MAPK4: variants seen among roughly 807,000 people sequenced by gnomAD.
MAPK4 encodes the protein mitogen-activated protein kinase 4, also known as Erk3-related.
MAPK4 carries 22 observed loss-of-function variants against 47.7 expected under a neutral mutation model. That is an observed-to-expected ratio of 0.46 (90% confidence interval 0.33 to 0.66). The LOEUF is 0.66. Among genes scored for constraint, MAPK4 ranks in the 30% least tolerant of loss-of-function variants. The pLI, the probability that MAPK4 is intolerant of heterozygous loss-of-function variation, is 0.02. For synonymous variants in MAPK4, 390 were observed against 365.7 expected, an observed-to-expected ratio of 1.07 and a Z score of -0.76; for missense variants, 736 against 831.7, an observed-to-expected ratio of 0.88 and a Z score of 1.42.
intron 1 of MAPK4, among the ~76,000 whole-genome samples, chr18:50,589,681 A>G (rs117363277): frequency 0.022 from 3,341 of 152,324 alleles, 59 homozygotes; most frequent in Non-Finnish European, 0.034. Flanking sequence ...TTAAATCTAA[A>G]TAATCTGGTC....
chr18:50,638,164 C>T (rs186649960), intron 1 of MAPK4, among the ~76,000 whole-genome samples: 1 of 152,036 alleles, frequency 6.6e-6, no homozygotes, highest in Non-Finnish European at 1.5e-5. Context: ...TGGCAACATG[C>T]GAGTGAGCAT....
intron 1 of MAPK4, among the ~76,000 whole-genome samples, chr18:50,617,585 G>A (rs1345432141): frequency 2.0e-5 from 3 of 152,160 alleles, no homozygotes; most frequent in East Asian, 1.9e-4. Flanking sequence ...CTGCAGAGCC[G>A]ATGAGGTGGT....
intron 1 of MAPK4, among the ~76,000 whole-genome samples, chr18:50,631,795 G>A (rs4939640): frequency 0.31 from 46,780 of 152,092 alleles, 7,661 homozygotes; most frequent in East Asian, 0.48. Context: ...GAAGCCAAAC[G>A]TGGAAAAGTT....
At chr18:50,640,940 G>A (rs2144181054) in intron 1 of MAPK4, among the ~76,000 whole-genome samples, 1 of 152,324 alleles carries the variant, frequency 6.6e-6, no homozygotes, top group Middle Eastern at 3.4e-3. Context: ...AAAGGCTGAT[G>A]TCCTATAGCA....
At chr18:50,688,534 A>G (rs142697398) in intron 2 of MAPK4, among the ~76,000 whole-genome samples, 1 of 152,380 alleles carries the variant, frequency 6.6e-6, no homozygotes, top group East Asian at 1.9e-4. Flanking sequence ...CAGAATTTCA[A>G]GATGACAGAG....
intron 1 of MAPK4, among the ~76,000 whole-genome samples, chr18:50,610,950 A>G (rs750970660): frequency 5.9e-5 from 9 of 152,134 alleles, no homozygotes; most frequent in African/African-American, 1.2e-4. Context: ...TGAACTATAT[A>G]ACTACCAGAT....
At chr18:50,627,896 A>G (rs945136870) in intron 1 of MAPK4, among the ~76,000 whole-genome samples, 1 of 152,164 alleles carries the variant, frequency 6.6e-6, no homozygotes, top group African/African-American at 2.4e-5. Flanking sequence ...CTGATGTCTT[A>G]GATTCTCATG....
chr18:50,647,418 C>T (rs950305180), intron 1 of MAPK4, among the ~76,000 whole-genome samples: 2 of 152,138 alleles, frequency 1.3e-5, no homozygotes, highest in African/African-American at 4.8e-5. Flanking sequence ...GATTCAGCAT[C>T]TTGAGTTTGT....
At chr18:50,672,168 G>C (rs1036054163) in intron 2 of MAPK4, among the ~76,000 whole-genome samples, 1 of 152,158 alleles carries the variant, frequency 6.6e-6, no homozygotes, top group Non-Finnish European at 1.5e-5. Context: ...GAGTGGAGAA[G>C]GATTTTCCCA....
intron 1 of MAPK4, among the ~76,000 whole-genome samples, chr18:50,580,967 C>A (rs1451419718): frequency 1.3e-5 from 2 of 152,194 alleles, no homozygotes; most frequent in Admixed American, 6.5e-5. Context: ...TCCATCAATA[C>A]TGCTCCTGGG....
intron 1 of MAPK4, among the ~76,000 whole-genome samples, chr18:50,601,205 G>A (rs1044061610): frequency 4.0e-5 from 6 of 151,564 alleles, no homozygotes; most frequent in Admixed American, 6.6e-5. Flanking sequence ...ATGGTGGCGC[G>A]TGCCTGTGGT....
intron 2 of MAPK4, among the ~76,000 whole-genome samples, chr18:50,677,316 A>G (rs552688749): frequency 3.3e-5 from 5 of 152,364 alleles, no homozygotes; most frequent in Admixed American, 6.5e-5. Flanking sequence ...CCTTCTTTCA[A>G]TAATTCCCAA....
rs76773775 is a variant in MAPK4 at position 50,624,049 on chromosome 18, G to A, written c.-870-39040G>A. On this transcript the variant is annotated intron_variant, in intron 1 of 5. Coordinates refer to ENST00000400384, the MANE Select transcript of MAPK4 (RefSeq NM_002747.4). ...GGCCAAAATAATCTTTTCCCCTGAC[G>A]TATGCAATCACATCACCTGTCCCTA... Among the ~76,000 whole-genome samples the A allele has an allele frequency of 5.0e-3, 756 of 152,320 alleles. 9 individuals carry two copies. The highest frequency in any genetic ancestry group is 0.017 in the African/African-American group (703 of 41,574).
At chr18:50,586,545 G>A (rs72917638) in intron 1 of MAPK4, among the ~76,000 whole-genome samples, 8,932 of 151,984 alleles carry the variant, frequency 0.059, 341 homozygotes, top group Non-Finnish European at 0.085. Context: ...GGCAGAAAAC[G>A]TAATGTATTT....
chr18:50,680,678 A>C (rs1005997250), intron 2 of MAPK4, among the ~76,000 whole-genome samples: 1 of 152,196 alleles, frequency 6.6e-6, no homozygotes, highest in Non-Finnish European at 1.5e-5. Flanking sequence ...GTAGAGTCAC[A>C]CAACATGTGG....
chr18:50,729,948 C>T lies in MAPK4; in HGVS notation c.*94C>T. The T allele has an allele frequency of 7.5e-7, 1 of 1,325,556 alleles. No individual in the cohort carries two copies. The highest frequency in any genetic ancestry group is 1.0e-6 in the Non-Finnish European group (1 of 987,516). 82.1% of individuals were successfully genotyped at this position (1,325,556 alleles called of 1,614,324 possible). On this transcript the variant is annotated 3_prime_UTR_variant, in exon 6 of 6. Transcript: ENST00000400384. ...CGGCCGCCCTTCCCGCCCCTCTCTG[C>T]TGCCTTGGGGTTGGCAGAACACGTG...
chr18:50,701,798 A>G (rs565575203), intron 2 of MAPK4, among the ~76,000 whole-genome samples: 1 of 152,318 alleles, frequency 6.6e-6, no homozygotes, highest in Non-Finnish European at 1.5e-5. Flanking sequence ...AAAGAACACT[A>G]AATAGAATTA....
At chr18:50,579,951 G>A (rs1343094279) in intron 1 of MAPK4, among the ~76,000 whole-genome samples, 1 of 152,178 alleles carries the variant, frequency 6.6e-6, no homozygotes, top group African/African-American at 2.4e-5. Flanking sequence ...TTTACTTGTG[G>A]TACTACTCAC....
chr18:50,701,773 T>G (rs921908956), intron 2 of MAPK4, among the ~76,000 whole-genome samples: 1 of 152,124 alleles, frequency 6.6e-6, no homozygotes, highest in African/African-American at 2.4e-5. Context: ...CCCCAAATCT[T>G]ATAGGTCATG....
Sources: gnomAD v4.1 joint callset for allele counts (sites outside exome capture counted in the v4.1 genomes callset) on GRCh38, gnomAD v4.1.1 for gene constraint, MANE v1.5 for transcripts, NCBI Gene and HGNC (gene_info 2026-07-23, HGNC 2026-07-21) for gene names.